MAGI2: variants seen among roughly 807,000 people sequenced by gnomAD.
MAGI2 encodes the protein membrane associated guanylate kinase, WW and PDZ domain containing 2, also known as membrane-associated guanylate kinase, WW and PDZ domain-containing protein 2.
Under a neutral mutation model 133.3 loss-of-function variants are expected in MAGI2, and 35 were observed. The ratio of observed to expected loss-of-function variants is 0.26; its 90% CI spans 0.20 to 0.35. MAGI2 has a LOEUF of 0.35. Ranked by LOEUF, MAGI2 falls within the 10% of genes least tolerant of loss-of-function variation. The pLI, the probability that MAGI2 is intolerant of heterozygous loss-of-function variation, is 1.00. For synonymous variants in MAGI2, 729 were observed against 710.6 expected, an observed-to-expected ratio of 1.03 and a Z score of -0.41; for missense variants, 1,636 against 1,863.4, an observed-to-expected ratio of 0.88 and a Z score of 2.25.
At chr7:78,594,791 A>G (rs1355188618) in intron 3 of MAGI2, among the ~76,000 whole-genome samples, 1 of 152,128 alleles carries the variant, frequency 6.6e-6, no homozygotes, top group Non-Finnish European at 1.5e-5. Flanking sequence ...GTTTAGGATG[A>G]AACAAGTTTT....
chr7:79,135,999 GAAAGAGAAA>G (rs1562928741), intron 1 of MAGI2, among the ~76,000 whole-genome samples: 11 of 28,926 alleles, frequency 3.8e-4, no homozygotes, highest in Admixed American at 7.9e-4. Flanking sequence ...AAGAAAGAAA[GAAAGAGAAA>G]GAAAGAAAGA....
intron 2 of MAGI2, among the ~76,000 whole-genome samples, chr7:78,721,735 G>C (rs796452562): frequency 1.8e-4 from 27 of 152,028 alleles, no homozygotes; most frequent in African/African-American, 6.5e-4. Flanking sequence ...GGTAAGATTT[G>C]TTCAGACAAG....
chr7:79,174,249 T>A (rs1368114987), intron 1 of MAGI2, among the ~76,000 whole-genome samples: 1 of 152,110 alleles, frequency 6.6e-6, no homozygotes, highest in Non-Finnish European at 1.5e-5. Context: ...AAGAATCATC[T>A]ATTTATATCC....
At chr7:79,205,070 A>T (rs1028805763) in intron 1 of MAGI2, among the ~76,000 whole-genome samples, 8 of 151,910 alleles carry the variant, frequency 5.3e-5, no homozygotes, top group Admixed American at 3.3e-4. Context: ...TAAAAAAAAA[A>T]TAGCAAAAAA....
At chr7:78,543,450 C>A (rs538500929) in intron 3 of MAGI2, among the ~76,000 whole-genome samples, 1 of 152,158 alleles carries the variant, frequency 6.6e-6, no homozygotes, top group South Asian at 2.1e-4. Context: ...TATCAAACAT[C>A]ATTTTTAAAA....
chr7:78,831,038 T>C (rs1167678715), intron 2 of MAGI2, among the ~76,000 whole-genome samples: 1 of 151,402 alleles, frequency 6.6e-6, no homozygotes, highest in Non-Finnish European at 1.5e-5. Flanking sequence ...CAATATAACA[T>C]TTGGTTGGAA....
rs1021448897 is a variant in MAGI2, at chr7:78,475,970, C to T, written c.1045+13791G>A. 3.4e-4 allele frequency among the ~76,000 whole-genome samples: 52 copies of T among 151,862 alleles called. 4 individuals carry two copies. The stretch of plus-strand genomic sequence containing the variant: ...CATTCTTGTTCGGTGGATGACTCCT[C>T]ACATCATTGTTAAACTCTCCTCTTC... On this transcript the variant is annotated intron_variant, in intron 6 of 21. Transcript: ENST00000354212.
At chr7:79,432,521 A>G (rs10259665) in intron 1 of MAGI2, among the ~76,000 whole-genome samples, 98,736 of 152,092 alleles carry the variant, frequency 0.65, 32,380 homozygotes, top group Middle Eastern at 0.73. Flanking sequence ...GCTGCTCATA[A>G]TATTTGGGAA....
At chr7:79,291,937 T>A (rs1836519798) in intron 1 of MAGI2, among the ~76,000 whole-genome samples, 1 of 152,206 alleles carries the variant, frequency 6.6e-6, no homozygotes, top group Non-Finnish European at 1.5e-5. Context: ...TTATCTGATT[T>A]TTTTTCACTT....
At chr7:78,912,894 C>G (rs1798521882) in intron 2 of MAGI2, among the ~76,000 whole-genome samples, 1 of 150,102 alleles carries the variant, frequency 6.7e-6, no homozygotes, top group East Asian at 2.0e-4. Context: ...TCTGGTGAAC[C>G]CTGACTAATA....
intron 9 of MAGI2, among the ~76,000 whole-genome samples, chr7:78,275,949 C>A (rs1317845341): frequency 2.0e-5 from 3 of 152,098 alleles, no homozygotes; most frequent in African/African-American, 7.2e-5. Context: ...CACAGACATG[C>A]TAACTTTTCT....
At position 78,984,905 on chromosome 7, in the gene MAGI2, A is replaced by G. The variant is rs188148382; in HGVS notation, c.418+22185T>C. 1.6e-3 allele frequency among the ~76,000 whole-genome samples: 238 copies of G among 152,140 alleles called. 1 individual carries two copies. The highest frequency in any genetic ancestry group is 5.4e-3 in the African/African-American group (225 of 41,530). ...CAGTACCTAGAATAATGTTTGGCAC[A>G]TAGTGAGCACTCAATATACAATTTC... On this transcript the variant is annotated intron_variant, in intron 2 of 21. Transcript: ENST00000354212.
In MAGI2 at chr7:79,303,620, A is replaced by G. The variant is rs80237435; in HGVS notation, c.301+149400T>C. Among the ~76,000 whole-genome samples, 1,520 of 152,304 alleles carry G rather than the reference A, an allele frequency of 1.0e-2. 51 individuals carry two copies. The highest frequency in any genetic ancestry group is 0.087 in the East Asian group (448 of 5,174). ...CAGAATTTAAGGTTGGTTTGTTTGA[A>G]TTGGTTTGTTGATTTTGTCATCAGA... On this transcript the variant is annotated intron_variant, in intron 1 of 21. Coordinates refer to ENST00000354212, the MANE Select transcript of MAGI2 (RefSeq NM_012301.4).
intron 2 of MAGI2, among the ~76,000 whole-genome samples, chr7:78,706,984 T>C (rs1443791433): frequency 2.0e-5 from 3 of 152,064 alleles, no homozygotes; most frequent in Non-Finnish European, 4.4e-5. Flanking sequence ...CAGAAGTACA[T>C]TTCAGCCTCC....
chr7:78,371,679 T>A (rs1793930496), intron 6 of MAGI2, among the ~76,000 whole-genome samples: 1 of 152,052 alleles, frequency 6.6e-6, no homozygotes, highest in African/African-American at 2.4e-5. Context: ...CAATTTATTA[T>A]ATATTATACT....
intron 3 of MAGI2, among the ~76,000 whole-genome samples, chr7:78,600,626 G>C (rs970323500): frequency 3.3e-5 from 5 of 152,052 alleles, no homozygotes; most frequent in Non-Finnish European, 5.9e-5. Flanking sequence ...AATTCACAGG[G>C]GAAAAGGGCA....
At chr7:78,390,763 C>G (rs1171986266) in intron 6 of MAGI2, among the ~76,000 whole-genome samples, 1 of 152,090 alleles carries the variant, frequency 6.6e-6, no homozygotes, top group African/African-American at 2.4e-5. Flanking sequence ...CATGCCCCTT[C>G]CTGCCTCACC....
At chr7:78,441,291 G>T (rs926315562) in intron 6 of MAGI2, among the ~76,000 whole-genome samples, 1 of 152,122 alleles carries the variant, frequency 6.6e-6, no homozygotes, top group East Asian at 1.9e-4. Flanking sequence ...GAGGTAAAAG[G>T]GATCTGACCT....
At chr7:78,341,538 A>T (rs993015221) in intron 9 of MAGI2, among the ~76,000 whole-genome samples, 3 of 152,230 alleles carry the variant, frequency 2.0e-5, no homozygotes, top group Non-Finnish European at 4.4e-5. Flanking sequence ...TGGAGGCATC[A>T]CACTACATGC....
Sources: gnomAD v4.1 joint callset for allele counts (sites outside exome capture counted in the v4.1 genomes callset) on GRCh38, gnomAD v4.1.1 for gene constraint, MANE v1.5 for transcripts, NCBI Gene and HGNC (gene_info 2026-07-23, HGNC 2026-07-21) for gene names.